Variants in TRPC6 observed in about 807,000 individuals in gnomAD.
TRPC6 encodes the protein short transient receptor potential channel 6.
A neutral mutation model predicts 90.7 loss-of-function variants in TRPC6; 55 were observed. The observed-to-expected ratio is 0.61, with a 90% CI of 0.49 to 0.76. The LOEUF is 0.76. TRPC6 is among the 30% of genes least tolerant of loss of function. The pLI is 0.00. For missense variants in TRPC6, 989 were observed against 1,122.7 expected (o/e 0.88, Z 1.70); for synonymous variants, 393 against 393.0 (o/e 1.00, Z 0.00).
chr11:101,547,431 C>A (rs1861332394), intron 1 of TRPC6, among the ~76,000 whole-genome samples: 1 of 152,094 alleles, frequency 6.6e-6, no homozygotes, highest in African/African-American at 2.4e-5. Context: ...TAGCATGGAA[C>A]AAATGCTCTG....
At chr11:101,491,090 G>C (rs1046976967) in intron 3 of TRPC6, among the ~76,000 whole-genome samples, 7 of 152,192 alleles carry the variant, frequency 4.6e-5, no homozygotes, top group Non-Finnish European at 7.3e-5. Context: ...TGTAGGTAGA[G>C]TGCCTCACAA....
intron 5 of TRPC6, among the ~76,000 whole-genome samples, chr11:101,479,508 T>A (rs1430637801): frequency 6.6e-6 from 1 of 152,214 alleles, no homozygotes; most frequent in African/African-American, 2.4e-5. Context: ...TGAGATAAAT[T>A]TGTTTTGTGA....
chr11:101,478,619 C>T (rs1038366573), intron 5 of TRPC6, among the ~76,000 whole-genome samples: 1 of 152,010 alleles, frequency 6.6e-6, no homozygotes, highest in Admixed American at 6.5e-5. Flanking sequence ...CTCATTTGTC[C>T]TGAGGACCCC....
intron 5 of TRPC6, 106 bp from the exon 6 acceptor site, chr11:101,476,640 T>G: frequency 9.3e-7 from 1 of 1,077,950 alleles, no homozygotes; most frequent in Admixed American, 1.9e-5. Flanking sequence ...ACAAAACCCT[T>G]CAAAATTTGG....
intron 8 of TRPC6, among the ~76,000 whole-genome samples, chr11:101,471,748 A>C (rs1168228818): frequency 6.6e-6 from 1 of 152,232 alleles, no homozygotes; most frequent in East Asian, 1.9e-4. Flanking sequence ...TGGAATAAAA[A>C]TTTACACTAT....
intron 1 of TRPC6, among the ~76,000 whole-genome samples, chr11:101,521,753 C>G (rs1860665923): frequency 1.3e-5 from 2 of 152,188 alleles, no homozygotes; most frequent in African/African-American, 2.4e-5. Flanking sequence ...GGGAGCTCAC[C>G]CCATGCATCA....
chr11:101,537,949 C>T (rs1861090538), intron 1 of TRPC6, among the ~76,000 whole-genome samples: 2 of 152,108 alleles, frequency 1.3e-5, no homozygotes, highest in Admixed American at 1.3e-4. Context: ...TAAGCGTATA[C>T]ATATTTTTAG....
intron 10 of TRPC6, among the ~76,000 whole-genome samples, chr11:101,457,759 A>ATAAT (rs1469049103): frequency 6.6e-6 from 1 of 152,184 alleles, no homozygotes; most frequent in African/African-American, 2.4e-5. Context: ...AATAGGGAAA[A>ATAAT]TAATATTACC....
rs1296764893 is a variant in TRPC6, at chr11:101,504,009, T to C, written c.945+15A>G. 1.2e-6 allele frequency: 2 copies of C among 1,613,916 alleles called. No individual in the cohort carries two copies. The highest frequency in any genetic ancestry group is 1.7e-5 in the Admixed American group (1 of 59,988). The stretch of plus-strand genomic sequence containing the variant: ...TGGCTTGTGGAGGGTGAAGTCTCTA[T>C]TGTTAGTGACCTACCTTGAACTCTT... On this transcript the variant is annotated intron_variant, in intron 2 of 12. Transcript: ENST00000344327.
At chr11:101,580,506 A>G (rs1451083400) in intron 1 of TRPC6, among the ~76,000 whole-genome samples, 2 of 152,178 alleles carry the variant, frequency 1.3e-5, no homozygotes, top group African/African-American at 4.8e-5. Context: ...CTTATTGCAC[A>G]TAATTGCTCA....
chr11:101,453,513 T>C (rs1393555767), intron 12 of TRPC6, 137 bp downstream of exon 12: 3 of 852,062 alleles, frequency 3.5e-6, no homozygotes, highest in Non-Finnish European at 2.0e-6. Context: ...AGAACGGCGG[T>C]TGGTGAGATC....
chr11:101,515,477 C>T lies in TRPC6; in HGVS notation c.171-10679G>A, dbSNP rs537984344. 2.6e-5 allele frequency among the ~76,000 whole-genome samples: 4 copies of T among 152,180 alleles called. No individual in the cohort carries two copies. The South Asian group carries it at 8.3e-4, about 31-fold the overall frequency. ...CCCTTCTTACCTATATTCTTTAAAC[C>T]TGAACTTATCATTGAATTCCTGTGC... On this transcript the variant is annotated intron_variant, in intron 1 of 12. Coordinates refer to ENST00000344327, the MANE Select transcript of TRPC6 (RefSeq NM_004621.6).
chr11:101,503,745 T>C (rs1373798171), intron 2 of TRPC6, among the ~76,000 whole-genome samples: 1 of 152,160 alleles, frequency 6.6e-6, no homozygotes. Flanking sequence ...TATGCCTTCA[T>C]TTACCCATCT....
chr11:101,572,160 A>C (rs1454005890), intron 1 of TRPC6, among the ~76,000 whole-genome samples: 1 of 151,784 alleles, frequency 6.6e-6, no homozygotes, highest in Non-Finnish European at 1.5e-5. Flanking sequence ...CAAAGAACTT[A>C]AGCAAATTTA....
chr11:101,560,912 T>C (rs1352113257), intron 1 of TRPC6, among the ~76,000 whole-genome samples: 2 of 152,056 alleles, frequency 1.3e-5, no homozygotes, highest in African/African-American at 4.8e-5. Context: ...GAAGTCAGAG[T>C]GGAAGTCAAC....
intron 1 of TRPC6, among the ~76,000 whole-genome samples, chr11:101,544,264 C>T (rs1379329592): frequency 6.6e-6 from 1 of 152,028 alleles, no homozygotes; most frequent in Non-Finnish European, 1.5e-5. Context: ...AAATAGGAAC[C>T]CTCTTACACT....
chr11:101,508,350 A>G (rs1051816456), intron 1 of TRPC6, among the ~76,000 whole-genome samples: 2 of 152,190 alleles, frequency 1.3e-5, no homozygotes, highest in Non-Finnish European at 2.9e-5. Flanking sequence ...TATAAAAACT[A>G]GAGTGAGCCT....
Position 101,476,434 on chromosome 11 carries a change from G to A in TRPC6, c.1611C>T (p.Phe537=), listed in dbSNP as rs150183033. 260 of 1,614,020 alleles carry A rather than the reference G, an allele frequency of 1.6e-4. 1 individual carries two copies. Among genetic ancestry groups the A allele is most frequent in the Non-Finnish European group, 1.9e-4 (220 of 1,179,990 alleles). The part of the protein sequence containing the change: ...NMLDFGMLAI[F]AASFIARFMA... ...TGAATCTCGCAATGAATGATGCTGC[G>A]AAAATTGCTAACATACCAAAATCAA... The change falls in exon 6 of 13, where the codon TTC becomes TTT. Residue 537 remains phenylalanine (F), a synonymous_variant. Coordinates refer to ENST00000344327, the MANE Select transcript of TRPC6 (RefSeq NM_004621.6).
At chr11:101,465,329 G>C (rs1859117142) in intron 10 of TRPC6, among the ~76,000 whole-genome samples, 1 of 152,050 alleles carries the variant, frequency 6.6e-6, no homozygotes, top group Non-Finnish European at 1.5e-5. Context: ...TTTGAATGTT[G>C]GCCTGTCTTA....
Sources: gnomAD v4.1 joint callset for allele counts (sites outside exome capture counted in the v4.1 genomes callset) on GRCh38, gnomAD v4.1.1 for gene constraint, MANE v1.5 for transcripts, NCBI Gene and HGNC (gene_info 2026-07-23, HGNC 2026-07-21) for gene names.